Variants in SPOCK3 observed in about 807,000 individuals in gnomAD.
SPOCK3 encodes SPARC (osteonectin), cwcv and kazal like domains proteoglycan 3.
In SPOCK3, 30 loss-of-function variants were observed where a neutral mutation model predicts 56.6. The observed-to-expected ratio is 0.53, with a 90% CI of 0.40 to 0.72. SPOCK3 has a LOEUF of 0.72. Among genes scored for constraint, SPOCK3 ranks in the 30% least tolerant of loss-of-function variants. The pLI is 0.00. For synonymous variants in SPOCK3, 196 were observed against 183.3 expected, an observed-to-expected ratio of 1.07 and a Z score of -0.56; for missense variants, 527 against 530.0, an observed-to-expected ratio of 0.99 and a Z score of 0.06.
chr4:167,160,331 A>G (rs1288366403), intron 2 of SPOCK3, among the ~76,000 whole-genome samples: 1 of 152,018 alleles, frequency 6.6e-6, no homozygotes, highest in African/African-American at 2.4e-5. Flanking sequence ...ATCCAACTTA[A>G]AAGGGATGTG....
chr4:167,122,540 T>C (rs965743528), intron 2 of SPOCK3, among the ~76,000 whole-genome samples: 1 of 152,184 alleles, frequency 6.6e-6, no homozygotes, highest in Admixed American at 6.5e-5. Flanking sequence ...TTACAATACC[T>C]CAGTGAACAT....
chr4:167,187,828 A>T (rs1378806363), intron 2 of SPOCK3, among the ~76,000 whole-genome samples: 1 of 152,190 alleles, frequency 6.6e-6, no homozygotes, highest in African/African-American at 2.4e-5. Flanking sequence ...CATTAATTAC[A>T]GAGGACATTT....
At chr4:167,058,196 G>T (rs1190019603) in intron 3 of SPOCK3, among the ~76,000 whole-genome samples, 1 of 152,138 alleles carries the variant, frequency 6.6e-6, no homozygotes, top group African/African-American at 2.4e-5. Context: ...ATTAGGAAAA[G>T]AGGAAGTCAA....
intron 2 of SPOCK3, among the ~76,000 whole-genome samples, chr4:167,077,269 T>TACAC (rs553960996): frequency 0.012 from 1,787 of 149,706 alleles, 19 homozygotes; most frequent in Non-Finnish European, 0.018. Flanking sequence ...TCATTCTACA[T>TACAC]ACACACACAC....
In SPOCK3 at chr4:166,948,783, CT is replaced by C. The variant is rs574348625; in HGVS notation, c.351-36041del. The stretch of plus-strand genomic sequence containing the variant: ...CTCTGGCTGCCCTTAACATTTTTTC[CT>C]TCATTTCAACTTTGGTGAATCTGAC... On this transcript the variant is annotated intron_variant, in intron 4 of 10. Coordinates refer to ENST00000357545, the MANE Select transcript of SPOCK3 (RefSeq NM_001040159.2). Among the ~76,000 whole-genome samples the C allele has an allele frequency of 8.3e-4, 126 of 152,098 alleles. 4 individuals carry two copies. In the East Asian group the frequency reaches 0.023, roughly 28 times the overall value.
chr4:167,013,826 T>C (rs1465363592), intron 3 of SPOCK3, among the ~76,000 whole-genome samples: 1 of 152,106 alleles, frequency 6.6e-6, no homozygotes, highest in Non-Finnish European at 1.5e-5. Context: ...CTAAACCTAA[T>C]GTTTTAATTT....
chr4:167,130,668 A>T (rs1762632733), intron 2 of SPOCK3, among the ~76,000 whole-genome samples: 1 of 152,204 alleles, frequency 6.6e-6, no homozygotes, highest in African/African-American at 2.4e-5. Flanking sequence ...CAGTTAAAAA[A>T]AACCCAGTCC....
chr4:167,053,644 C>G (rs1754458846), intron 3 of SPOCK3, among the ~76,000 whole-genome samples: 1 of 151,956 alleles, frequency 6.6e-6, no homozygotes, highest in South Asian at 2.1e-4. Context: ...GAGATCAGGC[C>G]ACTGCACTCC....
chr4:166,776,663 A>C (rs1190309202), intron 7 of SPOCK3, among the ~76,000 whole-genome samples: 1 of 152,156 alleles, frequency 6.6e-6, no homozygotes, highest in Non-Finnish European at 1.5e-5. Context: ...GGATCTAGGA[A>C]GGAAAATACT....
intron 2 of SPOCK3, among the ~76,000 whole-genome samples, chr4:167,105,904 T>C (rs1017233132): frequency 1.3e-5 from 2 of 151,950 alleles, no homozygotes; most frequent in African/African-American, 4.8e-5. Context: ...CATCATATCA[T>C]GATAAAGTGG....
intron 7 of SPOCK3, among the ~76,000 whole-genome samples, chr4:166,788,997 T>A (rs1185784856): frequency 6.6e-6 from 1 of 152,188 alleles, no homozygotes; most frequent in Non-Finnish European, 1.5e-5. Context: ...TGTTATTGGA[T>A]TTTTTGTCTG....
chr4:167,077,658 A>G (rs1451840339), intron 2 of SPOCK3, among the ~76,000 whole-genome samples: 1 of 151,990 alleles, frequency 6.6e-6, no homozygotes, highest in Non-Finnish European at 1.5e-5. Context: ...TATTTAACAA[A>G]TAATTCATTT....
At chr4:167,222,639 TTA>T (rs1736071197) in intron 2 of SPOCK3, among the ~76,000 whole-genome samples, 1 of 139,810 alleles carries the variant, frequency 7.2e-6, no homozygotes, top group Admixed American at 7.5e-5. Flanking sequence ...TAGATATATA[TTA>T]TATATTCATA....
At chr4:166,748,661 C>A (rs1417390080) in intron 8 of SPOCK3, among the ~76,000 whole-genome samples, 1 of 137,410 alleles carries the variant, frequency 7.3e-6, no homozygotes, top group East Asian at 2.0e-4. Context: ...TTAAGATCTT[C>A]TTCACAGCAA....
chr4:167,208,317 T>G (rs1734548460), intron 2 of SPOCK3, among the ~76,000 whole-genome samples: 1 of 152,160 alleles, frequency 6.6e-6, no homozygotes, highest in South Asian at 2.1e-4. Context: ...TTATTTGTAG[T>G]TTGCTATTTT....
intron 4 of SPOCK3, among the ~76,000 whole-genome samples, chr4:166,997,171 G>T (rs986992953): frequency 6.6e-6 from 1 of 151,918 alleles, no homozygotes. Context: ...TGGGGGTTAG[G>T]GGGAGGGAGA....
chr4:167,186,436 G>A (rs1731965153), intron 2 of SPOCK3, among the ~76,000 whole-genome samples: 1 of 152,060 alleles, frequency 6.6e-6, no homozygotes, highest in African/African-American at 2.4e-5. Context: ...AGACCAGCCT[G>A]GCCAACATGG....
At chr4:167,041,251 G>T (rs184773161) in intron 3 of SPOCK3, among the ~76,000 whole-genome samples, 4 of 152,256 alleles carry the variant, frequency 2.6e-5, no homozygotes, top group African/African-American at 9.6e-5. Flanking sequence ...ATAAAAATGG[G>T]AGCTTGTGTG....
At chr4:166,921,132 C>T (rs763181364) in intron 4 of SPOCK3, among the ~76,000 whole-genome samples, 1 of 152,140 alleles carries the variant, frequency 6.6e-6, no homozygotes, top group Non-Finnish European at 1.5e-5. Context: ...AGTGTGAAAC[C>T]TCCACTCTGC....
Sources: gnomAD v4.1 joint callset for allele counts (sites outside exome capture counted in the v4.1 genomes callset) on GRCh38, gnomAD v4.1.1 for gene constraint, MANE v1.5 for transcripts, NCBI Gene and HGNC (gene_info 2026-07-23, HGNC 2026-07-21) for gene names.